Variants in ADAM17 observed in about 807,000 individuals in gnomAD.
ADAM17 encodes the protein disintegrin and metalloproteinase domain-containing protein 17.
ADAM17 carries 39 observed loss-of-function variants against 96.7 expected under a neutral mutation model. The observed-to-expected ratio is 0.40, with a 90% CI of 0.31 to 0.53. The LOEUF is 0.53. ADAM17 is among the 20% of genes least tolerant of loss of function. The pLI is 0.44. For missense variants in ADAM17, 777 were observed against 1,013.2 expected, an observed-to-expected ratio of 0.77 and a Z score of 3.17; for synonymous variants, 344 against 359.2, an observed-to-expected ratio of 0.96 and a Z score of 0.48.
intron 8 of ADAM17, among the ~76,000 whole-genome samples, chr2:9,520,585 A>C (rs538125808): frequency 2.6e-5 from 4 of 152,196 alleles, no homozygotes; most frequent in South Asian, 4.1e-4. Context: ...AGTGTGCAAA[A>C]ACTCTATATA....
chr2:9,554,554 G>A (rs1292061153), intron 1 of ADAM17, among the ~76,000 whole-genome samples: 2 of 152,134 alleles, frequency 1.3e-5, no homozygotes, highest in South Asian at 2.1e-4. Context: ...TGGTATCATG[G>A]TGAAATTTGG....
chr2:9,492,001 A>G (rs1470675003), intron 17 of ADAM17, among the ~76,000 whole-genome samples: 2 of 152,232 alleles, frequency 1.3e-5, no homozygotes, highest in Non-Finnish European at 2.9e-5. Flanking sequence ...CTTCAGCACA[A>G]GTGCTCCCTA....
chr2:9,526,216 A>G lies in ADAM17; in HGVS notation c.648T>C (p.Ala216=), dbSNP rs900692737. The change falls in exon 6 of 19, where the codon GCT becomes GCC. Residue 216 remains alanine (A), a synonymous_variant. Coordinates refer to ENST00000310823, the MANE Select transcript of ADAM17 (RefSeq NM_003183.6). ...ACGTGTTCTTCATGGGATCTGGGTCAGCTCTTCTTTTCACTCGATGAACAA... is the reference window on the plus strand; with the variant it reads ...ACGTGTTCTTCATGGGATCTGGGTCGGCTCTTCTTTTCACTCGATGAACAA... ...EELVHRVKRR[A]DPDPMKNTCK... is the part of the protein sequence containing the mutation. 6 of 1,613,774 alleles carry G rather than the reference A, an allele frequency of 3.7e-6. No individual in the cohort carries two copies. The highest frequency in any genetic ancestry group is 1.3e-5 in the African/African-American group (1 of 74,936).
intron 4 of ADAM17, among the ~76,000 whole-genome samples, chr2:9,530,784 T>C (rs1276610934): frequency 6.6e-6 from 1 of 152,136 alleles, no homozygotes; most frequent in Non-Finnish European, 1.5e-5. Context: ...CAGAAGTATT[T>C]AGGGGTGAAG....
At chr2:9,529,223 G>A (rs1300816361) in intron 4 of ADAM17, among the ~76,000 whole-genome samples, 1 of 152,172 alleles carries the variant, frequency 6.6e-6, no homozygotes, top group East Asian at 1.9e-4. Context: ...GCCGAGGCAG[G>A]TGGATCACTT....
chr2:9,550,395 C>T (rs898474643), intron 1 of ADAM17, among the ~76,000 whole-genome samples: 2 of 151,468 alleles, frequency 1.3e-5, no homozygotes, highest in African/African-American at 4.9e-5. Flanking sequence ...CAATTACCAG[C>T]AGCCCTGCCT....
chr2:9,553,959 G>A (rs985074734), intron 1 of ADAM17, among the ~76,000 whole-genome samples: 3 of 151,816 alleles, frequency 2.0e-5, no homozygotes, highest in African/African-American at 4.8e-5. Context: ...CTACTCAGGA[G>A]GCTAAGGCAG....
chr2:9,551,997 TA>T (rs1299382357), intron 1 of ADAM17, among the ~76,000 whole-genome samples: 3 of 152,174 alleles, frequency 2.0e-5, no homozygotes, highest in African/African-American at 7.2e-5. Flanking sequence ...AATCGTGTGT[TA>T]GGGGTAATGT....
chr2:9,521,817 A>T (rs538996818), intron 7 of ADAM17: 1 of 92,488 alleles, frequency 1.1e-5, no homozygotes, highest in African/African-American at 3.9e-5. Flanking sequence ...AACCATGCTC[A>T]GCTCAGAGTT....
intron 7 of ADAM17, 101 bp from the exon 8 acceptor site, chr2:9,521,417 A>G: frequency 2.3e-6 from 2 of 864,696 alleles, no homozygotes; most frequent in Non-Finnish European, 3.5e-6. Context: ...ATCGTTCTAG[A>G]AAAAAAACAT....
intron 13 of ADAM17, among the ~76,000 whole-genome samples, chr2:9,497,623 G>T (rs368090161): frequency 6.6e-6 from 1 of 152,126 alleles, no homozygotes; most frequent in African/African-American, 2.4e-5. Flanking sequence ...TGACTTCATC[G>T]CACACAACTC....
intron 14 of ADAM17, among the ~76,000 whole-genome samples, chr2:9,495,925 C>G (rs913811992): frequency 6.7e-6 from 1 of 150,222 alleles, no homozygotes; most frequent in Admixed American, 6.6e-5. Flanking sequence ...TCAAACAACT[C>G]CTGAGCTCAA....
intron 10 of ADAM17, among the ~76,000 whole-genome samples, chr2:9,511,311 G>A (rs1055387327): frequency 6.6e-6 from 1 of 152,104 alleles, no homozygotes; most frequent in Non-Finnish European, 1.5e-5. Context: ...TTAGCTGGGT[G>A]TGGTGGCGCA....
At chr2:9,507,680 A>G (rs543851293) in intron 11 of ADAM17, among the ~76,000 whole-genome samples, 5 of 152,190 alleles carry the variant, frequency 3.3e-5, no homozygotes, top group Admixed American at 1.3e-4. Context: ...AGAAAAAAAA[A>G]GTTCTTCCCA....
At chr2:9,544,817 T>TC (rs369738168) in intron 1 of ADAM17, among the ~76,000 whole-genome samples, 41 of 151,972 alleles carry the variant, frequency 2.7e-4, no homozygotes, top group African/African-American at 9.2e-4. Flanking sequence ...AGAGCAAGAC[T>TC]CCATCTCAAA....
chr2:9,518,244 ATTGCTTTGAAAGACC>A lies in ADAM17; in HGVS notation c.958-12_960del. ...GCTTCCTCAGCTATATCAAAGCTAA[ATTGCTTTGAAAGACC>A]AAAAAAAAAAAAAAAAAAAAAAGCA... is the stretch of plus-strand genomic sequence containing the variant. On this transcript the variant is annotated splice_acceptor_variant and splice_polypyrimidine_tract_variant and coding_sequence_variant and intron_variant, in exon 9 of 19. Transcript: ENST00000310823. LOFTEE classifies it high-confidence loss of function. The A allele has an allele frequency of 8.7e-7, 1 of 1,145,860 alleles. No homozygotes were observed. 71.0% of individuals were successfully genotyped at this position (1,145,860 alleles called of 1,614,324 possible).
At chr2:9,534,920 T>C (rs915254975) in intron 4 of ADAM17, among the ~76,000 whole-genome samples, 1 of 152,252 alleles carries the variant, frequency 6.6e-6, no homozygotes, top group Non-Finnish European at 1.5e-5. Flanking sequence ...ATAATATTAG[T>C]TCCTTTACTT....
chr2:9,547,596 T>TA (rs1254772840), intron 1 of ADAM17, among the ~76,000 whole-genome samples: 1 of 151,990 alleles, frequency 6.6e-6, no homozygotes, highest in Admixed American at 6.6e-5. Flanking sequence ...ACACAACACT[T>TA]AAAGACGTGA....
At chr2:9,516,769 A>G (rs1279454636) in intron 10 of ADAM17, among the ~76,000 whole-genome samples, 1 of 152,150 alleles carries the variant, frequency 6.6e-6, no homozygotes, top group Non-Finnish European at 1.5e-5. Flanking sequence ...AATAAAAATT[A>G]AATAAAAATT....
Sources: gnomAD v4.1 joint callset for allele counts (sites outside exome capture counted in the v4.1 genomes callset) on GRCh38, gnomAD v4.1.1 for gene constraint, MANE v1.5 for transcripts, NCBI Gene and HGNC (gene_info 2026-07-23, HGNC 2026-07-21) for gene names.